DMRT1: variants seen among roughly 807,000 people sequenced by gnomAD.
DMRT1 encodes the protein doublesex and mab-3 related transcription factor 1.
Under a neutral mutation model 32.3 loss-of-function variants are expected in DMRT1, and 7 were observed. That is an observed-to-expected ratio of 0.22 (90% CI 0.12 to 0.41). DMRT1 has a LOEUF of 0.41. Ranked by LOEUF, DMRT1 falls within the 10% of genes least tolerant of loss-of-function variation. The pLI, the probability that DMRT1 is intolerant of heterozygous loss-of-function variation, is 1.00. For synonymous variants in DMRT1, 278 were observed against 206.1 expected, an observed-to-expected ratio of 1.35 and a Z score of -2.99; for missense variants, 625 against 500.5, an observed-to-expected ratio of 1.25 and a Z score of -2.37.
At position 968,018 on chromosome 9, in the gene DMRT1, T is replaced by C; in HGVS notation, c.1001T>C (p.Leu334Ser). The C allele has an allele frequency of 6.2e-7, 1 of 1,614,128 alleles. No homozygotes were observed. Among genetic ancestry groups the C allele is most frequent in the Non-Finnish European group, 8.5e-7 (1 of 1,180,036 alleles). The change falls in exon 5 of 5, where the codon TTG becomes TCG. Residue 334 changes from leucine (L) to serine (S), a missense_variant. Leu to Ser is a moderately radical substitution (Grantham distance 145). Transcript: ENST00000382276. ...CCGCCCAGCAGTCAAGATTCTGGCT[T>C]GGTTTCCCTCTCGAGCAGCTCTCCT... ...FSPPSSQDSG[L>S]VSLSSSSPIS... is the part of the protein sequence containing the mutation.
intron 3 of DMRT1, among the ~76,000 whole-genome samples, chr9:907,479 T>C (rs1817818830): frequency 6.6e-6 from 1 of 152,230 alleles, no homozygotes; most frequent in African/African-American, 2.4e-5. Flanking sequence ...CCACTCTCTT[T>C]TGTGAACCCC....
At chr9:865,846 T>C (rs1005964687) in intron 2 of DMRT1, among the ~76,000 whole-genome samples, 8 of 152,102 alleles carry the variant, frequency 5.3e-5, no homozygotes, top group Non-Finnish European at 1.2e-4. Flanking sequence ...ATGCCTTCAG[T>C]ATTAGCCATC....
At chr9:859,869 G>GC (rs1028570371) in intron 2 of DMRT1, among the ~76,000 whole-genome samples, 10 of 73,130 alleles carry the variant, frequency 1.4e-4, no homozygotes, top group African/African-American at 7.1e-4. Context: ...TTGGCAGTAA[G>GC]GTTCTTAGAT....
At position 841,898 on chromosome 9, in the gene DMRT1, C is replaced by A; in HGVS notation, c.60C>A (p.Pro20=). 1.2e-6 allele frequency: 2 copies of A among 1,611,580 alleles called. No individual in the cohort carries two copies. Among genetic ancestry groups the A allele is most frequent in the Non-Finnish European group, 1.7e-6 (2 of 1,179,048 alleles). ...PSTPSEAPHA[P]GVPPQGRAGG... is the part of the protein sequence containing the mutation. ...CACCGTCGGAAGCCCCTCACGCCCC[C>A]GGGGTACCGCCGCAGGGCAGAGCCG... Residue 20 remains proline, a synonymous_variant, in exon 1 of 5, where the codon CCC becomes CCA. Transcript: ENST00000382276.
intron 3 of DMRT1, among the ~76,000 whole-genome samples, chr9:902,888 T>C (rs10816007): frequency 0.6 from 90,771 of 151,912 alleles, 30,540 homozygotes; most frequent in Middle Eastern, 0.79. Context: ...TGCTGTCAGG[T>C]ACATGGTGAG....
intron 2 of DMRT1, among the ~76,000 whole-genome samples, chr9:854,773 T>G (rs890414400): frequency 1.7e-5 from 2 of 114,624 alleles, no homozygotes; most frequent in Non-Finnish European, 3.7e-5. Context: ...ACAAAACTCC[T>G]TTTTTTTTTT....
At chr9:858,614 C>T (rs1209732732) in intron 2 of DMRT1, among the ~76,000 whole-genome samples, 1 of 152,094 alleles carries the variant, frequency 6.6e-6, no homozygotes, top group Non-Finnish European at 1.5e-5. Flanking sequence ...TGGCTCACGC[C>T]TGTAATCCCA....
chr9:875,794 G>T (rs765805825), intron 2 of DMRT1, among the ~76,000 whole-genome samples: 4 of 152,160 alleles, frequency 2.6e-5, no homozygotes, highest in Admixed American at 6.5e-5. Context: ...GTGTACGTAT[G>T]TGTGTGTGCA....
chr9:890,627 C>G (rs1817108818), intron 2 of DMRT1, among the ~76,000 whole-genome samples: 3 of 152,280 alleles, frequency 2.0e-5, no homozygotes, highest in South Asian at 4.2e-4. Context: ...TTCTGGGCAC[C>G]TTCTTTGGGC....
At chr9:869,492 G>A (rs1242714663) in intron 2 of DMRT1, among the ~76,000 whole-genome samples, 1 of 152,090 alleles carries the variant, frequency 6.6e-6, no homozygotes, top group East Asian at 1.9e-4. Flanking sequence ...ATTGCTCCTA[G>A]TTGTTGTCTC....
At chr9:918,513 G>T (rs920999964) in intron 4 of DMRT1, among the ~76,000 whole-genome samples, 1 of 152,172 alleles carries the variant, frequency 6.6e-6, no homozygotes, top group African/African-American at 2.4e-5. Context: ...AAGGAAAGAG[G>T]TTACAGTCCA....
At chr9:935,996 C>T (rs1007321641) in intron 4 of DMRT1, among the ~76,000 whole-genome samples, 6 of 152,194 alleles carry the variant, frequency 3.9e-5, no homozygotes, top group Admixed American at 3.3e-4. Context: ...AGGCTGGAGA[C>T]ACTTTATTGT....
intron 2 of DMRT1, among the ~76,000 whole-genome samples, chr9:862,019 T>A (rs1256953992): frequency 7.8e-6 from 1 of 127,678 alleles, no homozygotes; most frequent in Non-Finnish European, 1.7e-5. Flanking sequence ...CTTCCCAGAC[T>A]GGGCGGCCGG....
At chr9:922,359 G>A (rs916320977) in intron 4 of DMRT1, among the ~76,000 whole-genome samples, 1 of 152,158 alleles carries the variant, frequency 6.6e-6, no homozygotes, top group Non-Finnish European at 1.5e-5. Flanking sequence ...TAAGAATGTG[G>A]CCACTTCGTA....
chr9:917,670 A>G (rs556522218), intron 4 of DMRT1, among the ~76,000 whole-genome samples: 1 of 152,182 alleles, frequency 6.6e-6, no homozygotes, highest in Non-Finnish European at 1.5e-5. Flanking sequence ...AGAAGAATTT[A>G]CTCTGTGCTA....
At chr9:924,572 C>G (rs1436758984) in intron 4 of DMRT1, among the ~76,000 whole-genome samples, 1 of 151,848 alleles carries the variant, frequency 6.6e-6, no homozygotes, top group East Asian at 1.9e-4. Context: ...GTGGGCTGTA[C>G]AAATGAAAAT....
At chr9:856,375 C>A (rs1206254276) in intron 2 of DMRT1, among the ~76,000 whole-genome samples, 1 of 152,100 alleles carries the variant, frequency 6.6e-6, no homozygotes, top group African/African-American at 2.4e-5. Context: ...GGTTTTGGAA[C>A]ATTTCAGTCA....
At chr9:914,781 A>G (rs1441448136) in intron 3 of DMRT1, among the ~76,000 whole-genome samples, 1 of 152,110 alleles carries the variant, frequency 6.6e-6, no homozygotes, top group African/African-American at 2.4e-5. Context: ...CACTCATGAG[A>G]ACATAGATTT....
At chr9:941,148 C>T (rs939471037) in intron 4 of DMRT1, among the ~76,000 whole-genome samples, 1 of 152,138 alleles carries the variant, frequency 6.6e-6, no homozygotes, top group Non-Finnish European at 1.5e-5. Context: ...CCCAAATTAC[C>T]ACATGATCCA....
Sources: allele counts gnomAD v4.1 joint callset (sites outside exome capture counted in the v4.1 genomes callset), GRCh38; gene constraint gnomAD v4.1.1; transcripts MANE v1.5; gene names NCBI Gene and HGNC (gene_info 2026-07-23, HGNC 2026-07-21).